ASB15: variants seen among roughly 807,000 people sequenced by gnomAD.
The protein encoded by ASB15 is ankyrin repeat and SOCS box protein 15.
Under a neutral mutation model 58.0 loss-of-function variants are expected in ASB15, and 54 were observed. The observed-to-expected ratio is 0.93, with a 90% CI of 0.75 to 1.17. The LOEUF is 1.17. ASB15 is among the 50% of genes most tolerant of loss of function. The probability of loss-of-function intolerance (pLI) is 0.00; values close to 1 mark genes in which losing one functional copy is unlikely to be tolerated. For missense variants in ASB15, 680 were observed against 707.4 expected (o/e 0.96, Z 0.44); for synonymous variants, 249 against 262.4 (o/e 0.95, Z 0.50).
intron 1 of ASB15, among the ~76,000 whole-genome samples, chr7:123,587,903 A>G (rs867973584): frequency 2.0e-5 from 3 of 151,902 alleles, no homozygotes; most frequent in Non-Finnish European, 4.4e-5. Flanking sequence ...ACCATGGTAC[A>G]TAATCCTTTT....
At chr7:123,570,005 T>A (rs1183012396) in intron 1 of ASB15, among the ~76,000 whole-genome samples, 1 of 149,528 alleles carries the variant, frequency 6.7e-6, no homozygotes, top group African/African-American at 2.4e-5. Context: ...CAACAATACC[T>A]AAAGTTTACA....
intron 11 of ASB15, 22 bp downstream of exon 11, chr7:123,630,141 T>C: frequency 6.5e-7 from 1 of 1,531,230 alleles, no homozygotes; most frequent in East Asian, 2.3e-5. Flanking sequence ...AAGTTTTGCC[T>C]ACAATTTTTA....
At chr7:123,578,009 A>G (rs1325344350) in intron 1 of ASB15, among the ~76,000 whole-genome samples, 1 of 151,670 alleles carries the variant, frequency 6.6e-6, no homozygotes, top group Non-Finnish European at 1.5e-5. Flanking sequence ...CATCACCTAC[A>G]TTAAGTATTT....
At chr7:123,567,862 C>T (rs1359251010) in intron 1 of ASB15, among the ~76,000 whole-genome samples, 9 of 151,870 alleles carry the variant, frequency 5.9e-5, no homozygotes, top group Admixed American at 4.6e-4. Flanking sequence ...TTAAAATAGA[C>T]GAAAATATTC....
intron 1 of ASB15, among the ~76,000 whole-genome samples, chr7:123,592,494 T>C (rs926344993): frequency 6.6e-6 from 1 of 152,240 alleles, no homozygotes; most frequent in South Asian, 2.1e-4. Context: ...GTCTTTGTTC[T>C]CATTGATTTC....
intron 1 of ASB15, among the ~76,000 whole-genome samples, chr7:123,569,495 G>A (rs1334431005): frequency 6.6e-6 from 1 of 152,142 alleles, no homozygotes; most frequent in African/African-American, 2.4e-5. Context: ...GCTATTGCAT[G>A]CATTTTTAAT....
At position 123,610,842 on chromosome 7, in the gene ASB15, T is replaced by A. The variant is rs531769968; in HGVS notation, c.-3+2188T>A. Among the ~76,000 whole-genome samples the A allele has an allele frequency of 2.6e-5, 4 of 152,172 alleles. No homozygotes were observed. The East Asian group carries it at 7.7e-4, about 29-fold the overall frequency. Reference sequence around the variant, plus strand: ...TTGAATGTTAAATGGCAAATTATTATTAAGAGTCAGTTTCTCTAGGCCAGG... The same window carrying A: ...TTGAATGTTAAATGGCAAATTATTAATAAGAGTCAGTTTCTCTAGGCCAGG... On this transcript the variant is annotated intron_variant, in intron 3 of 11. Transcript: ENST00000451215.
At chr7:123,593,235 T>G (rs985657060) in intron 1 of ASB15, among the ~76,000 whole-genome samples, 11 of 152,188 alleles carry the variant, frequency 7.2e-5, no homozygotes, top group African/African-American at 2.4e-4. Context: ...AATTTGCCAG[T>G]CTGTGTCTTG....
chr7:123,630,004 G>A lies in ASB15; in HGVS notation c.1479G>A (p.Leu493=), dbSNP rs754738939. The A allele has an allele frequency of 1.2e-6, 2 of 1,600,162 alleles. No homozygotes were observed. Among genetic ancestry groups the A allele is most frequent in the South Asian group, 1.1e-5 (1 of 89,442 alleles). ...TTACAGTTCCTTGGATGAAGCACTT[G>A]GTAGGCAGAGTTACTCGTGTACTAA... ...EFITVPWMKH[L]VGRVTRVLID... The change falls in exon 11 of 12, where the codon TTG becomes TTA. Residue 493 remains leucine (L), a synonymous_variant. Transcript: ENST00000451215.
Position 123,568,444 on chromosome 7 carries a change from C to T in ASB15, c.-443+1356C>T, listed in dbSNP as rs10241638. ...CTGAGACAGGAGAATTGCTTGAACC[C>T]GGGAGGGTGGAGGTTGCAGTGAGCA... On this transcript the variant is annotated intron_variant, in intron 1 of 13. Coordinates refer to the ASB15 transcript ENST00000451558. Among the ~76,000 whole-genome samples, 736 of 151,382 alleles carry T rather than the reference C, an allele frequency of 4.9e-3. 3 individuals carry two copies. Among genetic ancestry groups the T allele is most frequent in the African/African-American group, 0.017 (688 of 41,232 alleles).
chr7:123,621,551 G>C (rs1488076138), intron 7 of ASB15: 1 of 152,052 alleles, frequency 6.6e-6, no homozygotes, highest in Non-Finnish European at 1.5e-5. Flanking sequence ...AGAGATAAGA[G>C]GGAAAAAAGT....
chr7:123,611,912 A>G (rs1417928148), intron 3 of ASB15, among the ~76,000 whole-genome samples: 1 of 151,502 alleles, frequency 6.6e-6, no homozygotes, highest in Non-Finnish European at 1.5e-5. Flanking sequence ...TTTTCACCCT[A>G]CTGTCATTAG....
intron 1 of ASB15, among the ~76,000 whole-genome samples, chr7:123,591,354 G>C (rs573753651): frequency 8.1e-4 from 124 of 152,264 alleles, no homozygotes; most frequent in South Asian, 1.9e-3. Context: ...GGAGTGGTGA[G>C]AGAGGTCATC....
At chr7:123,597,717 G>C (rs1799740961), upstream of ASB15, among the ~76,000 whole-genome samples, 1 of 152,090 alleles carries the variant, frequency 6.6e-6, no homozygotes, top group South Asian at 2.1e-4. Context: ...TGTAATCCTA[G>C]CTACGCGGGA....
intron 1 of ASB15, among the ~76,000 whole-genome samples, chr7:123,593,158 T>C (rs538477392): frequency 6.6e-6 from 1 of 152,354 alleles, no homozygotes; most frequent in African/African-American, 2.4e-5. Context: ...TTTGAGCCTA[T>C]GTGTGTCTTT....
intron 1 of ASB15, among the ~76,000 whole-genome samples, chr7:123,572,288 C>T (rs1393277745): frequency 3.3e-5 from 5 of 151,408 alleles, no homozygotes; most frequent in African/African-American, 9.7e-5. Context: ...ACTGTAGGCA[C>T]GCGCCACCAT....
At chr7:123,578,072 G>A (rs1432205298) in intron 1 of ASB15, among the ~76,000 whole-genome samples, 1 of 149,936 alleles carries the variant, frequency 6.7e-6, no homozygotes, top group African/African-American at 2.5e-5. Context: ...GCCCCGGTGT[G>A]TGAAGTTCCC....
intron 1 of ASB15, among the ~76,000 whole-genome samples, chr7:123,593,025 T>C (rs1799584611): frequency 1.3e-5 from 2 of 152,210 alleles, no homozygotes; most frequent in African/African-American, 4.8e-5. Context: ...CATTATGTAA[T>C]GGTTTTCTTT....
intron 6 of ASB15, among the ~76,000 whole-genome samples, chr7:123,616,700 T>A (rs1800842575): frequency 6.6e-6 from 1 of 152,176 alleles, no homozygotes; most frequent in South Asian, 2.1e-4. Flanking sequence ...ACCTTTTGCA[T>A]CCTTTTACCT....
Sources: gnomAD v4.1 joint callset for allele counts (sites outside exome capture counted in the v4.1 genomes callset) on GRCh38, gnomAD v4.1.1 for gene constraint, MANE v1.5 for transcripts, NCBI Gene and HGNC (gene_info 2026-07-23, HGNC 2026-07-21) for gene names.